PRDM9: variants seen among roughly 807,000 people sequenced by gnomAD.
The protein encoded by PRDM9 is PR/SET domain 9.
Under a neutral mutation model 55.6 loss-of-function variants are expected in PRDM9, and 47 were observed. The observed-to-expected ratio is 0.85, with a 90% confidence interval of 0.67 to 1.08. The LOEUF is 1.08. PRDM9 is among the 50% of genes least tolerant of loss of function. The pLI is 0.00. For missense variants in PRDM9, 867 were observed against 1,040.3 expected, an observed-to-expected ratio of 0.83 and a Z score of 2.29; for synonymous variants, 312 against 375.7, an observed-to-expected ratio of 0.83 and a Z score of 1.96.
At chr5:23,520,136 G>T (rs971242448) in intron 5 of PRDM9, among the ~76,000 whole-genome samples, 1 of 151,546 alleles carries the variant, frequency 6.6e-6, no homozygotes, top group Non-Finnish European at 1.5e-5. Flanking sequence ...AGGTTGAGGT[G>T]GGTGGATCAC....
chr5:23,516,373 GTAT>G (rs1325573675), intron 4 of PRDM9, among the ~76,000 whole-genome samples: 3 of 152,066 alleles, frequency 2.0e-5, no homozygotes, highest in Non-Finnish European at 2.9e-5. Context: ...GTGAATTCAT[GTAT>G]TATTATTATT....
At chr5:23,514,507 G>A (rs1310182389) in intron 4 of PRDM9, among the ~76,000 whole-genome samples, 2 of 151,970 alleles carry the variant, frequency 1.3e-5, no homozygotes, top group Non-Finnish European at 2.9e-5. Context: ...GGAGTTCAGT[G>A]GTGCGATCTC....
In PRDM9 at chr5:23,517,805, T is replaced by TA. The variant is rs1739244351; in HGVS notation, c.302-70dup. 3.3e-5 allele frequency: 46 copies of TA among 1,380,774 alleles called. No homozygotes were observed. In the South Asian group the frequency reaches 5.3e-4, roughly 16 times the overall value. The allele number at this position is 1,380,774 out of a possible 1,614,324, so 85.5% of individuals were successfully genotyped here. ...CCGTCTCAAAAATAAAAAATAAAAATAAAAAATAGAAGAGAGAATCTCTAG... is the reference window on the plus strand; with the variant it reads ...CCGTCTCAAAAATAAAAAATAAAAATAAAAAAATAGAAGAGAGAATCTCTAG... On this transcript the variant is annotated intron_variant, in intron 4 of 10. Coordinates refer to ENST00000296682, the MANE Select transcript of PRDM9 (RefSeq NM_020227.4).
At chr5:23,526,177 A>C in intron 10 of PRDM9, 56 bp from the exon 11 acceptor site, 1 of 1,529,940 alleles carries the variant, frequency 6.5e-7, no homozygotes, top group Admixed American at 1.7e-5. Context: ...TCATACCTTC[A>C]TATGTGGTAA....
intron 1 of PRDM9, among the ~76,000 whole-genome samples, chr5:23,508,335 C>T (rs916167659): frequency 6.6e-6 from 1 of 152,008 alleles, no homozygotes; most frequent in Admixed American, 6.5e-5. Flanking sequence ...CTGAGGGATA[C>T]CAAAGCTCCT....
At position 23,527,736 on chromosome 5, in the gene PRDM9, CA is replaced by C. The variant is rs760821576; in HGVS notation, c.2649del (p.Glu885ArgfsTer54). The C allele has an allele frequency of 7.4e-6, 12 of 1,613,526 alleles. No individual in the cohort carries two copies. Among genetic ancestry groups the C allele is most frequent in the Admixed American group, 3.3e-5 (2 of 59,968 alleles). On this transcript the variant is annotated frameshift_variant, in exon 11 of 11. Coordinates refer to ENST00000296682, the MANE Select transcript of PRDM9 (RefSeq NM_020227.4). LOFTEE classifies it low-confidence loss of function (END_TRUNC). Reference protein sequence around the residue: ...SSLCYHQRTHTGEKPYVCRED... With the variant: ...SSLCYHQRTHXGEKPYVCRED... ...CTCTGCTATCACCAGAGGACACACACAGGGGAGAAGCCCTACGTCTGCAGGG... is the reference window on the plus strand; with the variant it reads ...CTCTGCTATCACCAGAGGACACACACGGGGAGAAGCCCTACGTCTGCAGGG...
chr5:23,524,034 G>C (rs1182494774), intron 9 of PRDM9, among the ~76,000 whole-genome samples: 1 of 152,220 alleles, frequency 6.6e-6, no homozygotes, highest in Non-Finnish European at 1.5e-5. Flanking sequence ...GAAGCTAGAA[G>C]TCAATGTGTT....
At chr5:23,520,968 G>A (rs145670659) in intron 5 of PRDM9, 55 bp from the exon 6 acceptor site, 63 of 1,591,950 alleles carry the variant, frequency 4.0e-5, no homozygotes, top group South Asian at 1.7e-4. Context: ...GTTGCAAGCC[G>A]TAAAGAACTA....
rs1378562276 is a variant in PRDM9 at position 23,508,934 on chromosome 5, C to T, written c.-84-16C>T. The T allele has an allele frequency of 7.0e-7, 1 of 1,429,130 alleles. No homozygotes were observed. The highest frequency in any genetic ancestry group is 2.4e-5 in the East Asian group (1 of 41,080). The allele number at this position is 1,429,130 out of a possible 1,614,324, so 88.5% of individuals were successfully genotyped here. A position where few individuals can be genotyped will look rare whatever the true frequency, so the allele number is the denominator to read the frequency against. On this transcript the variant is annotated splice_polypyrimidine_tract_variant and intron_variant, in intron 1 of 10. Transcript: ENST00000296682. ...TCAGGGCTGTTGCCCCCTCTCAGCA[C>T]CTTCTCCTTCCACAGGAGCCTTTGG...
chr5:23,513,708 C>T (rs1739145361), intron 4 of PRDM9, among the ~76,000 whole-genome samples: 1 of 151,942 alleles, frequency 6.6e-6, no homozygotes, highest in Non-Finnish European at 1.5e-5. Context: ...GGTGAAACCC[C>T]ATCTCTACTA....
intron 4 of PRDM9, among the ~76,000 whole-genome samples, chr5:23,510,520 G>C (rs1739074455): frequency 6.6e-6 from 1 of 151,292 alleles, no homozygotes; most frequent in Admixed American, 6.6e-5. Context: ...ACCATGCCAA[G>C]CTAATTTTTG....
chr5:23,526,496 A>G lies in PRDM9; in HGVS notation c.1408A>G (p.Arg470Gly). Residue 470 changes from arginine (R) to glycine (G), a missense_variant, in exon 11 of 11, where the codon AGG (arginine) becomes GGG (glycine). By Grantham distance (125) the Arg-to-Gly change is moderately radical. Coordinates refer to ENST00000296682, the MANE Select transcript of PRDM9 (RefSeq NM_020227.4). Reference sequence around the variant, plus strand: ...ACTCTTGAATAAAAGGACATGGCAGAGGGAGATTTCAAGGGCCTTTTCTAG... The same window carrying G: ...ACTCTTGAATAAAAGGACATGGCAGGGGGAGATTTCAAGGGCCTTTTCTAG... ...SKLLNKRTWQ[R>G]EISRAFSSPP... 6.2e-7 allele frequency: 1 copy of G among 1,614,084 alleles called. No homozygotes were observed. Among genetic ancestry groups the G allele is most frequent in the Non-Finnish European group, 8.5e-7 (1 of 1,179,960 alleles).
At chr5:23,511,347 T>G (rs1246599108) in intron 4 of PRDM9, among the ~76,000 whole-genome samples, 1 of 152,104 alleles carries the variant, frequency 6.6e-6, no homozygotes, top group Non-Finnish European at 1.5e-5. Flanking sequence ...GTTGTTTTTG[T>G]TTTTGTTTTT....
intron 6 of PRDM9, among the ~76,000 whole-genome samples, chr5:23,521,812 GCA>G (rs1739332856): frequency 6.6e-6 from 1 of 152,172 alleles, no homozygotes; most frequent in Non-Finnish European, 1.5e-5. Flanking sequence ...TTGTTTGAAA[GCA>G]TTAAATTAAA....
intron 4 of PRDM9, 80 bp downstream of exon 4, chr5:23,510,107 TGCAATG>T: frequency 7.3e-7 from 1 of 1,364,550 alleles, no homozygotes. Flanking sequence ...CAGGCTGGGG[TGCAATG>T]GCATGATCTT....
intron 4 of PRDM9, among the ~76,000 whole-genome samples, chr5:23,512,650 A>G (rs1739122013): frequency 6.6e-6 from 1 of 152,212 alleles, no homozygotes; most frequent in Non-Finnish European, 1.5e-5. Context: ...CATATAACAT[A>G]TATTTACTCT....
intron 10 of PRDM9, 79 bp from the exon 11 acceptor site, chr5:23,526,154 C>T: frequency 6.8e-7 from 1 of 1,475,684 alleles, no homozygotes; most frequent in Non-Finnish European, 9.5e-7. Context: ...ATGATTGTTT[C>T]TTCATTTGAT....
intron 1 of PRDM9, 84 bp from the exon 2 acceptor site, chr5:23,508,866 A>C (rs889646829): frequency 1.3e-6 from 1 of 759,918 alleles, no homozygotes; most frequent in African/African-American, 1.8e-5. Flanking sequence ...TGCTCTGAAC[A>C]CCCAGCCAGA....
rs915764823 is a variant in PRDM9 at position 23,521,015 on chromosome 5, C to A, written c.352-8C>A. ...GTTGTCTTTTAATATGTGACTCTCACATTAAAGGGAATGCCCAAGGCGTCA... is the reference window on the plus strand; with the variant it reads ...GTTGTCTTTTAATATGTGACTCTCAAATTAAAGGGAATGCCCAAGGCGTCA... On this transcript the variant is annotated splice_polypyrimidine_tract_variant and splice_region_variant and intron_variant, in intron 5 of 10. Transcript: ENST00000296682. The A allele has an allele frequency of 6.2e-7, 1 of 1,613,870 alleles. No homozygotes were observed. Among genetic ancestry groups the A allele is most frequent in the Admixed American group, 1.7e-5 (1 of 60,008 alleles).
Sources: gnomAD v4.1 joint callset for allele counts (sites outside exome capture counted in the v4.1 genomes callset) on GRCh38, gnomAD v4.1.1 for gene constraint, MANE v1.5 for transcripts, NCBI Gene and HGNC (gene_info 2026-07-23, HGNC 2026-07-21) for gene names.